Variants in DENND4A observed in about 807,000 individuals in gnomAD.
DENND4A encodes the protein C-myc promoter-binding protein.
A neutral mutation model predicts 199.3 loss-of-function variants in DENND4A; 70 were observed. The ratio of observed to expected loss-of-function variants is 0.35; its 90% confidence interval spans 0.29 to 0.43. DENND4A has a LOEUF of 0.43. Among genes scored for constraint, DENND4A ranks in the 20% least tolerant of loss-of-function variants. The probability of loss-of-function intolerance (pLI) is 1.00; values close to 1 mark genes in which losing one functional copy is unlikely to be tolerated. For synonymous variants in DENND4A, 686 were observed against 766.9 expected (o/e 0.89, Z 1.74); for missense variants, 1,723 against 2,255.8 (o/e 0.76, Z 4.78).
At chr15:65,693,873 T>A (rs562189693) in intron 22 of DENND4A, among the ~76,000 whole-genome samples, 7 of 152,136 alleles carry the variant, frequency 4.6e-5, no homozygotes, top group African/African-American at 1.7e-4. Context: ...TTTTTGTTTC[T>A]TATTATAATA....
At chr15:65,742,862 G>A (rs2076295904) in intron 4 of DENND4A, among the ~76,000 whole-genome samples, 1 of 152,092 alleles carries the variant, frequency 6.6e-6, no homozygotes, top group South Asian at 2.1e-4. Flanking sequence ...ACTCCCAGAG[G>A]CTCACACATA....
chr15:65,667,222 T>C (rs561550064), intron 29 of DENND4A, among the ~76,000 whole-genome samples: 52 of 152,218 alleles, frequency 3.4e-4, no homozygotes, highest in African/African-American at 1.2e-3. Flanking sequence ...CCCAGCTACT[T>C]GGGAGGCTGA....
chr15:65,734,648 C>T (rs544249630), intron 7 of DENND4A, among the ~76,000 whole-genome samples: 18 of 152,046 alleles, frequency 1.2e-4, no homozygotes, highest in Non-Finnish European at 2.1e-4. Flanking sequence ...TCTAAACAAA[C>T]GTCAAGCAGG....
chr15:65,691,905 C>T (rs1262040701), intron 22 of DENND4A, among the ~76,000 whole-genome samples: 10 of 147,900 alleles, frequency 6.8e-5, no homozygotes. Flanking sequence ...AAATAAATTA[C>T]AATGGTTTTA....
chr15:65,697,815 A>G (rs555481444), intron 20 of DENND4A, among the ~76,000 whole-genome samples: 2 of 152,330 alleles, frequency 1.3e-5, no homozygotes, highest in South Asian at 4.1e-4. Context: ...TGTCTAAATG[A>G]TTTTACAAAA....
Position 65,738,749 on chromosome 15 carries a change from G to A in DENND4A, c.758C>T (p.Pro253Leu). ...CWPSNSKYPLPVFSTFVLTGA... is the reference protein window; with the variant it reads ...CWPSNSKYPLLVFSTFVLTGA... ...AGTTAAAACAAAAGTAGAAAATACA[G>A]GCAGAGGGTATTTGCTATTTGATGG... is the stretch of plus-strand genomic sequence containing the variant. The change falls in exon 6 of 33, where the codon CCT (proline) becomes CTT (leucine). Residue 253 changes from proline (P) to leucine (L), a missense_variant. Around this residue, in one of 6 missense-constraint regions of DENND4A, gnomAD observed 725 missense variants for 952.9 expected, o/e 0.76. Coordinates refer to ENST00000443035, the MANE Select transcript of DENND4A (RefSeq NM_001320835.1). 1 of 1,612,518 alleles carries A rather than the reference G, an allele frequency of 6.2e-7. No individual in the cohort carries two copies. Among genetic ancestry groups the A allele is most frequent in the Non-Finnish European group, 8.5e-7 (1 of 1,179,200 alleles).
chr15:65,763,268 A>G (rs969574011), intron 1 of DENND4A, among the ~76,000 whole-genome samples: 1 of 152,206 alleles, frequency 6.6e-6, no homozygotes, highest in Non-Finnish European at 1.5e-5. Context: ...TGGAATATCT[A>G]CTAACAACCA....
intron 1 of DENND4A, among the ~76,000 whole-genome samples, chr15:65,779,833 A>G (rs1216831693): frequency 6.6e-6 from 1 of 152,078 alleles, no homozygotes; most frequent in African/African-American, 2.4e-5. Flanking sequence ...TATTTTTAGT[A>G]GAGATGGGGT....
At chr15:65,752,135 G>GA (rs1488014502) in intron 4 of DENND4A, among the ~76,000 whole-genome samples, 8 of 128,572 alleles carry the variant, frequency 6.2e-5, no homozygotes, top group Admixed American at 3.9e-4. Context: ...GGCGGGGGGG[G>GA]TGGGGGATAT....
Position 65,659,351 on chromosome 15 carries a change from T to A in DENND4A, c.*2500A>T, listed in dbSNP as rs2075785142. ...TTTTTTTTTTTTTTTTTTTTTTTTT[T>A]GAGACAGGGTCTTGCTCTGTAATCC... On this transcript the variant is annotated 3_prime_UTR_variant, in exon 33 of 33. Transcript: ENST00000443035. 1.5e-5 allele frequency: 2 copies of A among 133,312 alleles called. No individual in the cohort carries two copies. The highest frequency in any genetic ancestry group is 6.3e-5 in the African/African-American group (2 of 31,914). 8.3% of individuals were successfully genotyped at this position (133,312 alleles called of 1,614,324 possible).
chr15:65,791,292 A>G (rs559255962), intron 1 of DENND4A, among the ~76,000 whole-genome samples: 1 of 152,178 alleles, frequency 6.6e-6, no homozygotes, highest in Non-Finnish European at 1.5e-5. Context: ...CAACAACAAC[A>G]ATCTTCCAGC....
chr15:65,773,023 A>AT (rs1194414699), intron 1 of DENND4A, among the ~76,000 whole-genome samples: 2 of 144,386 alleles, frequency 1.4e-5, no homozygotes, highest in Non-Finnish European at 3.0e-5. Flanking sequence ...AAAAAAAAAA[A>AT]AAAAATCATT....
intron 23 of DENND4A, among the ~76,000 whole-genome samples, chr15:65,680,213 A>G (rs531713073): frequency 1.4e-4 from 21 of 152,316 alleles, no homozygotes; most frequent in African/African-American, 4.8e-4. Context: ...TCATCTTGGT[A>G]GCTGATCTCT....
chr15:65,774,430 C>T (rs1374468773), intron 1 of DENND4A, among the ~76,000 whole-genome samples: 2 of 152,186 alleles, frequency 1.3e-5, no homozygotes, highest in African/African-American at 2.4e-5. Context: ...GTGGAGGTTG[C>T]GGTGAGCCCA....
At chr15:65,666,984 G>A (rs2076060721) in intron 29 of DENND4A, among the ~76,000 whole-genome samples, 1 of 151,916 alleles carries the variant, frequency 6.6e-6, no homozygotes, top group Non-Finnish European at 1.5e-5. Context: ...AATATTATTT[G>A]TAAATACAAC....
chr15:65,738,689 T>A lies in DENND4A; in HGVS notation c.801+17A>T. The stretch of plus-strand genomic sequence containing the variant: ...GTACAAGAAATTTGTAGATACAATT[T>A]GTCAAACACATAATACCTTTTCAGC... On this transcript the variant is annotated intron_variant, in intron 6 of 32. Coordinates refer to ENST00000443035, the MANE Select transcript of DENND4A (RefSeq NM_001320835.1). 6.3e-7 allele frequency: 1 copy of A among 1,581,244 alleles called. No homozygotes were observed. Among genetic ancestry groups the A allele is most frequent in the Non-Finnish European group, 8.6e-7 (1 of 1,165,534 alleles).
chr15:65,744,506 G>A (rs1357384626), intron 4 of DENND4A, among the ~76,000 whole-genome samples: 2 of 152,026 alleles, frequency 1.3e-5, no homozygotes, highest in Non-Finnish European at 2.9e-5. Context: ...TTATCAGAGA[G>A]TCTTCCTTTC....
intron 11 of DENND4A, among the ~76,000 whole-genome samples, chr15:65,723,532 C>T (rs2075710955): frequency 6.6e-6 from 1 of 151,928 alleles, no homozygotes; most frequent in East Asian, 1.9e-4. Flanking sequence ...ACTTATATAA[C>T]TATAAAAGAG....
intron 1 of DENND4A, among the ~76,000 whole-genome samples, chr15:65,765,099 T>C (rs2076948886): frequency 6.6e-6 from 1 of 152,176 alleles, no homozygotes; most frequent in South Asian, 2.1e-4. Flanking sequence ...CCATGAATTG[T>C]ACGAAAAAAA....
Sources: gnomAD v4.1 joint callset for allele counts (sites outside exome capture counted in the v4.1 genomes callset) on GRCh38, gnomAD v4.1.1 for gene constraint, gnomAD v4.1.1 regional missense constraint, MANE v1.5 for transcripts, NCBI Gene and HGNC (gene_info 2026-07-23, HGNC 2026-07-21) for gene names.